Variants in LARP4B observed in about 807,000 individuals in gnomAD.
LARP4B encodes the protein la-related protein 4B.
LARP4B carries 12 observed loss-of-function variants against 89.8 expected under a neutral mutation model. The ratio of observed to expected loss-of-function variants is 0.13; its 90% CI spans 0.09 to 0.22. The LOEUF is 0.22. Ranked by LOEUF, LARP4B falls within the 10% of genes least tolerant of loss-of-function variation. The pLI, the probability that LARP4B is intolerant of heterozygous loss-of-function variation, is 1.00. For synonymous variants in LARP4B, 367 were observed against 363.3 expected, an observed-to-expected ratio of 1.01 and a Z score of -0.12; for missense variants, 757 against 947.7, an observed-to-expected ratio of 0.80 and a Z score of 2.64.
intron 1 of LARP4B, among the ~76,000 whole-genome samples, chr10:901,567 TTTTG>T (rs1446335618): frequency 6.6e-6 from 1 of 152,226 alleles, no homozygotes; most frequent in Non-Finnish European, 1.5e-5. Context: ...TATTTTAGTC[TTTTG>T]TTTTTTTCAA....
chr10:885,199 A>C (rs762051847), intron 2 of LARP4B, among the ~76,000 whole-genome samples: 2 of 152,212 alleles, frequency 1.3e-5, no homozygotes, highest in Non-Finnish European at 2.9e-5. Flanking sequence ...TACCAGGAGC[A>C]GTAACACACA....
At chr10:915,086 A>C (rs72778230) in intron 1 of LARP4B, among the ~76,000 whole-genome samples, 1 of 152,302 alleles carries the variant, frequency 6.6e-6, no homozygotes, top group Non-Finnish European at 1.5e-5. Flanking sequence ...AAAAATTTTA[A>C]GTGGTTGTAA....
At chr10:920,682 G>A (rs993680374) in intron 1 of LARP4B, among the ~76,000 whole-genome samples, 1 of 152,038 alleles carries the variant, frequency 6.6e-6, no homozygotes, top group African/African-American at 2.4e-5. Context: ...TGAAGCACGA[G>A]AATCACTTGA....
At chr10:863,397 T>G (rs1346581324) in intron 5 of LARP4B, among the ~76,000 whole-genome samples, 1 of 151,800 alleles carries the variant, frequency 6.6e-6, no homozygotes, top group Non-Finnish European at 1.5e-5. Flanking sequence ...TGATTTTTTT[T>G]GTATTTTTTT....
At chr10:972,897 G>A in the LARP4B span, 11 of 456,010 alleles carry the variant, frequency 2.4e-5, no homozygotes, top group African/African-American at 4.0e-5. Context: ...TGGAGGGCTC[G>A]CTGCTGAGCC....
chr10:908,461 A>T (rs1836558732), intron 1 of LARP4B, among the ~76,000 whole-genome samples: 2 of 152,148 alleles, frequency 1.3e-5, no homozygotes, highest in African/African-American at 4.8e-5. Context: ...TGGGGATCCT[A>T]GGAAGCATGG....
Position 857,026 on chromosome 10 carries a change from G to GC in LARP4B, c.430+6716dup, listed in dbSNP as rs2131808226. Among the ~76,000 whole-genome samples, 3 of 152,114 alleles carry GC rather than the reference G, an allele frequency of 2.0e-5. No homozygotes were observed. The South Asian group carries it at 6.2e-4, about 32-fold the overall frequency. On this transcript the variant is annotated intron_variant, in intron 5 of 17. Transcript: ENST00000316157. ...GAGACTCCCAGGCCTCTTATGGAAGGCGTCCCCTGCCCACACCTCACCCCA... is the reference window on the plus strand; with the variant it reads ...GAGACTCCCAGGCCTCTTATGGAAGGCCGTCCCCTGCCCACACCTCACCCCA...
At chr10:957,611 T>C in the LARP4B span, among the ~76,000 whole-genome samples, 1 of 152,188 alleles carries the variant, frequency 6.6e-6, no homozygotes, top group African/African-American at 2.4e-5. Flanking sequence ...TGCTTTTTAA[T>C]ATGTGATGGG....
chr10:830,936 A>G lies in LARP4B; in HGVS notation c.792T>C (p.Phe264=). The change falls in exon 9 of 18, where the codon TTT becomes TTC. Residue 264 remains phenylalanine, a synonymous_variant. Transcript: ENST00000316157. ...CATTATATGCAAATTCACAGTTTAT[A>G]AATTTTGGTAAATTATCTCCTTTAA... is the stretch of plus-strand genomic sequence containing the variant. ...ALFKGDNLPK[F]INCEFAYNDN... The G allele has an allele frequency of 7.5e-7, 1 of 1,325,300 alleles. No homozygotes were observed. Among genetic ancestry groups the G allele is most frequent in the Non-Finnish European group, 1.1e-6 (1 of 920,800 alleles). The allele number at this position is 1,325,300 out of a possible 1,614,324, so 82.1% of individuals were successfully genotyped here.
upstream of LARP4B, chr10:933,087 G>A (rs1021295246): frequency 2.0e-5 from 3 of 152,280 alleles, no homozygotes; most frequent in African/African-American, 7.2e-5. Context: ...CCCCTGATCA[G>A]TTTATGGAAG....
At chr10:883,278 G>A (rs555167783) in intron 3 of LARP4B, among the ~76,000 whole-genome samples, 190 of 152,112 alleles carry the variant, frequency 1.2e-3, no homozygotes, top group African/African-American at 4.2e-3. Flanking sequence ...TTGGGAGGCC[G>A]AGGCAGGCAG....
chr10:817,047 G>C (rs1043230314), intron 15 of LARP4B, among the ~76,000 whole-genome samples: 1 of 152,208 alleles, frequency 6.6e-6, no homozygotes, highest in African/African-American at 2.4e-5. Flanking sequence ...GTGCTCAGCA[G>C]GTTCTTCCTG....
At chr10:860,571 A>G (rs1212552670) in intron 5 of LARP4B, among the ~76,000 whole-genome samples, 1 of 152,222 alleles carries the variant, frequency 6.6e-6, no homozygotes, top group African/African-American at 2.4e-5. Flanking sequence ...ACATTTTGAA[A>G]ACAATCCCAA....
Position 814,777 on chromosome 10 carries a change from C to T in LARP4B, c.1894G>A (p.Ala632Thr), listed in dbSNP as rs1459720343. The T allele has an allele frequency of 9.4e-6, 15 of 1,603,694 alleles. 1 individual carries two copies. Among genetic ancestry groups the T allele is most frequent in the South Asian group, 6.7e-5 (6 of 89,580 alleles). The change falls in exon 17 of 18, where the codon GCG becomes ACG. Residue 632 changes from alanine (A) to threonine (T), a missense_variant. Transcript: ENST00000316157. This position sits in a 1 kb window ranked among gnomAD's most constrained non-coding sequence, Gnocchi z 4.4. ...DRLPSALTAT[A>T]CKSVQVNGAA... The stretch of plus-strand genomic sequence containing the variant: ...CCGTTCACCTGCACCGATTTACACG[C>T]GGTCGCAGTGAGGGCGGAAGGAAGT...
At chr10:840,969 T>C (rs1833493495) in intron 7 of LARP4B, among the ~76,000 whole-genome samples, 1 of 152,016 alleles carries the variant, frequency 6.6e-6, no homozygotes, top group African/African-American at 2.4e-5. Flanking sequence ...CCTGCCAATG[T>C]GGTAAAACCT....
At position 890,637 on chromosome 10, in the gene LARP4B, T is replaced by C. The variant is rs984837739; in HGVS notation, c.-39-4877A>G. Among the ~76,000 whole-genome samples, 4 of 152,166 alleles carry C rather than the reference T, an allele frequency of 2.6e-5. 1 individual carries two copies. In the South Asian group the frequency reaches 8.3e-4, roughly 31 times the overall value. ...CTGGACTGAGATTCTAGGTCCTTGG[T>C]TCTCAGGCCTCGGATGCAATGAAGA... On this transcript the variant is annotated intron_variant, in intron 1 of 17. Transcript: ENST00000316157.
chr10:886,850 G>A (rs1393168920), intron 1 of LARP4B, among the ~76,000 whole-genome samples: 1 of 152,172 alleles, frequency 6.6e-6, no homozygotes, highest in African/African-American at 2.4e-5. Context: ...AGCAGTTTGG[G>A]AGGCCAAAGC....
the LARP4B span, among the ~76,000 whole-genome samples, chr10:973,956 G>A: frequency 6.6e-6 from 1 of 152,286 alleles, no homozygotes; most frequent in Non-Finnish European, 1.5e-5. Flanking sequence ...TAAGTTAGGT[G>A]GGAATAACCT....
chr10:890,629 G>A (rs187661684), intron 1 of LARP4B, among the ~76,000 whole-genome samples: 4 of 152,250 alleles, frequency 2.6e-5, no homozygotes, highest in Non-Finnish European at 4.4e-5. Flanking sequence ...GAGATTCTAG[G>A]TCCTTGGTTC....
Sources: gnomAD v4.1 joint callset for allele counts (sites outside exome capture counted in the v4.1 genomes callset) on GRCh38, gnomAD v4.1.1 for gene constraint, Gnocchi (gnomAD v3.1) non-coding constraint, MANE v1.5 for transcripts, NCBI Gene and HGNC (gene_info 2026-07-23, HGNC 2026-07-21) for gene names.